The following CNST variants were observed in gnomAD, a reference collection of about 807,000 sequenced individuals.
CNST encodes the protein consortin.
Under a neutral mutation model 72.4 loss-of-function variants are expected in CNST, and 39 were observed. That is an observed-to-expected ratio of 0.54 (90% CI 0.42 to 0.70). The LOEUF is 0.70. CNST is among the 30% of genes least tolerant of loss of function. The probability of loss-of-function intolerance (pLI) is 0.00; values close to 1 mark genes in which losing one functional copy is unlikely to be tolerated. For missense variants in CNST, 871 were observed against 868.5 expected (o/e 1.00, Z -0.04); for synonymous variants, 332 against 320.1 (o/e 1.04, Z -0.40).
rs752202435 is a variant in CNST at position 246,647,840 on chromosome 1, T to C, written c.1639T>C (p.Tyr547His). ...CCAACTCAACAAAGAAACAGAAGACTATTTGAACAGCCTTTTAGAAGGATG... is the reference window on the plus strand; with the variant it reads ...CCAACTCAACAAAGAAACAGAAGACCATTTGAACAGCCTTTTAGAAGGATG... ...DDQLNKETED[Y>H]LNSLLEGCLK... The change falls in exon 9 of 11, where the codon TAT (tyrosine) becomes CAT (histidine). Residue 547 changes from tyrosine (Y) to histidine (H), a missense_variant. Coordinates refer to ENST00000366513, the MANE Select transcript of CNST (RefSeq NM_152609.3). The C allele has an allele frequency of 5.0e-6, 8 of 1,614,068 alleles. No homozygotes were observed. In the African/African-American group the frequency reaches 1.1e-4, roughly 22 times the overall value.
intron 2 of CNST, among the ~76,000 whole-genome samples, chr1:246,609,269 T>C (rs1427675950): frequency 6.6e-6 from 1 of 152,198 alleles, no homozygotes; most frequent in Non-Finnish European, 1.5e-5. Context: ...AGCCAATGAC[T>C]GGAGGTATTT....
chr1:246,580,703 AT>A (rs1316570479), intron 1 of CNST, among the ~76,000 whole-genome samples: 1 of 151,878 alleles, frequency 6.6e-6, no homozygotes, highest in Non-Finnish European at 1.5e-5. Context: ...TTTTACGGGG[AT>A]TTAATTTTGA....
intron 4 of CNST, among the ~76,000 whole-genome samples, 196 bp from the exon 5 acceptor site, chr1:246,633,728 G>A (rs1415738878): frequency 6.7e-6 from 1 of 148,666 alleles, no homozygotes; most frequent in Non-Finnish European, 1.5e-5. Flanking sequence ...GGACTACAGA[G>A]CAAGATTCCA....
chr1:246,570,417 C>T (rs1572102722), intron 1 of CNST, among the ~76,000 whole-genome samples: 1 of 152,204 alleles, frequency 6.6e-6, no homozygotes, highest in East Asian at 1.9e-4. Flanking sequence ...GTTATATCTA[C>T]ATTAATAGCT....
chr1:246,654,378 C>T (rs1230534517), intron 9 of CNST, among the ~76,000 whole-genome samples: 1 of 152,228 alleles, frequency 6.6e-6, no homozygotes, highest in Non-Finnish European at 1.5e-5. Context: ...GAGTACCAAA[C>T]AGTGCCTAGC....
intron 2 of CNST, among the ~76,000 whole-genome samples, chr1:246,597,456 G>T (rs943132951): frequency 5.9e-5 from 9 of 152,298 alleles, no homozygotes; most frequent in South Asian, 2.1e-4. Flanking sequence ...AAGTTTAGAT[G>T]ATGTGTTTTA....
chr1:246,597,358 A>G (rs1661958913), intron 2 of CNST, among the ~76,000 whole-genome samples: 1 of 152,334 alleles, frequency 6.6e-6, no homozygotes, highest in South Asian at 2.1e-4. Flanking sequence ...GGAAGAAATC[A>G]CGTACCCATT....
At chr1:246,614,927 C>A (rs1572180579) in intron 2 of CNST, among the ~76,000 whole-genome samples, 1 of 152,082 alleles carries the variant, frequency 6.6e-6, no homozygotes, top group African/African-American at 2.4e-5. Context: ...ATCTGCCGAT[C>A]AATGCTAGAC....
At position 246,585,680 on chromosome 1, in the gene CNST, C is replaced by T. The variant is rs868622921; in HGVS notation, c.-51-5832C>T. The stretch of plus-strand genomic sequence containing the variant: ...AAAAAAAAATATACACACACACACA[C>T]ACACACACACACACACACACACACA... On this transcript the variant is annotated intron_variant, in intron 1 of 10. Coordinates refer to ENST00000366513, the MANE Select transcript of CNST (RefSeq NM_152609.3). Among the ~76,000 whole-genome samples the T allele has an allele frequency of 8.3e-3, 1,012 of 121,574 alleles. 58 individuals carry two copies. Among genetic ancestry groups the T allele is most frequent in the African/African-American group, 0.043 (943 of 21,942 alleles). 79.8% of individuals were successfully genotyped at this position (121,574 alleles called of 152,430 possible). A position where few individuals can be genotyped will look rare whatever the true frequency, so the allele number is the denominator to read the frequency against.
Position 246,668,455 on chromosome 1 carries a change from G to A in CNST, c.*2550G>A, listed in dbSNP as rs1667470007. 1 of 152,124 alleles carries A rather than the reference G, an allele frequency of 6.6e-6. No individual in the cohort carries two copies. The highest frequency in any genetic ancestry group is 6.5e-5 in the Admixed American group (1 of 15,270). 9.4% of individuals were successfully genotyped at this position (152,124 alleles called of 1,614,324 possible). On this transcript the variant is annotated 3_prime_UTR_variant, in exon 11 of 11. Coordinates refer to ENST00000366513, the MANE Select transcript of CNST (RefSeq NM_152609.3). ...TACAAGTAGACAGTCATCTACTTTG[G>A]GAAGACTAATAGGTCCTTAGGTAAC... is the stretch of plus-strand genomic sequence containing the variant.
At chr1:246,599,811 A>G (rs541079437) in intron 2 of CNST, among the ~76,000 whole-genome samples, 101 of 152,336 alleles carry the variant, frequency 6.6e-4, no homozygotes, top group Non-Finnish European at 6.9e-4. Flanking sequence ...TCACTTTATA[A>G]AAGTTTTTCT....
intron 9 of CNST, among the ~76,000 whole-genome samples, chr1:246,654,676 T>C (rs1360659968): frequency 1.3e-5 from 2 of 152,246 alleles, no homozygotes; most frequent in East Asian, 1.9e-4. Context: ...ACAGCCACTA[T>C]ACACAGTAAG....
At chr1:246,606,788 T>A (rs973794612) in intron 2 of CNST, 1 of 152,124 alleles carries the variant, frequency 6.6e-6, no homozygotes, top group African/African-American at 2.4e-5. Context: ...TCCGAGGGTG[T>A]TGCCCGCCTG....
At chr1:246,633,801 A>AT in intron 4 of CNST, 123 bp from the exon 5 acceptor site, 2 of 600,862 alleles carry the variant, frequency 3.3e-6, no homozygotes, top group Non-Finnish European at 6.0e-6. Flanking sequence ...ATTTAAAAAT[A>AT]TTTAGAGTCC....
intron 10 of CNST, among the ~76,000 whole-genome samples, chr1:246,664,639 G>C (rs979168609): frequency 4.6e-5 from 7 of 151,706 alleles, no homozygotes; most frequent in Non-Finnish European, 8.8e-5. Context: ...TGTCAGCCAG[G>C]ATGGTCTCGA....
chr1:246,609,318 T>TTAA (rs1164485060), intron 2 of CNST, among the ~76,000 whole-genome samples: 3 of 152,174 alleles, frequency 2.0e-5, no homozygotes, highest in Non-Finnish European at 4.4e-5. Context: ...GCTCACGCCT[T>TTAA]TAATGCCAGC....
At chr1:246,601,532 C>T (rs1262611220) in intron 2 of CNST, among the ~76,000 whole-genome samples, 2 of 152,158 alleles carry the variant, frequency 1.3e-5, no homozygotes, top group South Asian at 2.1e-4. Context: ...CGGTGGCTCA[C>T]ACCTGTAATC....
At chr1:246,583,710 A>G (rs1660945513) in intron 1 of CNST, among the ~76,000 whole-genome samples, 1 of 152,228 alleles carries the variant, frequency 6.6e-6, no homozygotes, top group Admixed American at 6.5e-5. Flanking sequence ...ATGTCCTCAT[A>G]GTAACCTTGA....
In CNST at chr1:246,660,389, G is replaced by C. The variant is rs987433232; in HGVS notation, c.1972+55G>C. On this transcript the variant is annotated intron_variant, in intron 10 of 10. Transcript: ENST00000366513. ...ATAGATGCTCAGTGTTTGCTGAAAG[G>C]ATGAGTTTGTGAATGATGTGACGTT... 7 of 1,572,150 alleles carry C rather than the reference G, an allele frequency of 4.5e-6. No homozygotes were observed. In the African/African-American group the frequency reaches 9.6e-5, roughly 21 times the overall value.
Sources: gnomAD v4.1 joint callset for allele counts (sites outside exome capture counted in the v4.1 genomes callset) on GRCh38, gnomAD v4.1.1 for gene constraint, MANE v1.5 for transcripts, NCBI Gene and HGNC (gene_info 2026-07-23, HGNC 2026-07-21) for gene names.